KLHL4: variants seen among roughly 807,000 people sequenced by gnomAD.
KLHL4 encodes kelch like family member 4.
A neutral mutation model predicts 45.8 loss-of-function variants in KLHL4; 17 were observed. That is an observed-to-expected ratio of 0.37 (90% CI 0.25 to 0.56). KLHL4 has a LOEUF of 0.56. KLHL4 is among the 20% of genes least tolerant of loss of function. The probability of loss-of-function intolerance (pLI) is 0.79; values close to 1 mark genes in which losing one functional copy is unlikely to be tolerated. For synonymous variants in KLHL4, 224 were observed against 189.9 expected (o/e 1.18, Z -1.47); for missense variants, 544 against 544.9 (o/e 1.00, Z 0.02).
At chrX:87,637,829 A>G (rs895262333) in intron 9 of KLHL4, among the ~76,000 whole-genome samples, 1 of 111,409 alleles carries the variant, frequency 9.0e-6, no homozygotes, top group African/African-American at 3.3e-5. Flanking sequence ...GTTGCCTTCA[A>G]TGTCAGCCAC....
chrX:87,596,477 A>C (rs1921843123), intron 1 of KLHL4, among the ~76,000 whole-genome samples: 1 of 112,164 alleles, frequency 8.9e-6, no homozygotes, highest in African/African-American at 3.2e-5. Context: ...GCAGACATTC[A>C]GTAAATATTT....
chrX:87,659,327 C>CCAGGCTG (rs1442685431), intron 9 of KLHL4, among the ~76,000 whole-genome samples: 1 of 109,032 alleles, frequency 9.2e-6, no homozygotes, highest in African/African-American at 3.3e-5. Flanking sequence ...ACCATATTGG[C>CCAGGCTG]CAGGCTGGTC....
intron 1 of KLHL4, among the ~76,000 whole-genome samples, chrX:87,588,108 T>A (rs1157701670): frequency 1.8e-5 from 2 of 111,302 alleles, no homozygotes; most frequent in Non-Finnish European, 3.8e-5. Flanking sequence ...AAGTGAAAGA[T>A]ATATAAGGAA....
chrX:87,641,482 G>A (rs1302273827), intron 9 of KLHL4, among the ~76,000 whole-genome samples: 4 of 112,013 alleles, frequency 3.6e-5, no homozygotes, highest in Non-Finnish European at 3.8e-5. Context: ...AAACTCCACA[G>A]GGAGGAGGAA....
At chrX:87,624,840 C>G (rs1922872014) in intron 5 of KLHL4, among the ~76,000 whole-genome samples, 1 of 112,409 alleles carries the variant, frequency 8.9e-6, no homozygotes, top group East Asian at 2.8e-4. Flanking sequence ...TGGCTAGTTA[C>G]TAAGGCATGT....
chrX:87,582,806 C>T (rs956358231), intron 1 of KLHL4, among the ~76,000 whole-genome samples: 1 of 111,568 alleles, frequency 9.0e-6, no homozygotes, highest in Non-Finnish European at 1.9e-5. Context: ...GGCACGGACC[C>T]AAATAGTGAG....
At chrX:87,540,075 A>T (rs1303540551) in intron 1 of KLHL4, among the ~76,000 whole-genome samples, 1 of 111,316 alleles carries the variant, frequency 9.0e-6, no homozygotes, top group Admixed American at 9.6e-5. Flanking sequence ...AAAGGACAGT[A>T]AAAATATGAT....
intron 1 of KLHL4, among the ~76,000 whole-genome samples, chrX:87,543,133 C>T (rs35947991): frequency 9.0e-6 from 1 of 110,571 alleles, no homozygotes; most frequent in Non-Finnish European, 1.9e-5. Flanking sequence ...TGTAAGATTC[C>T]TGAGGCCTCC....
chrX:87,546,309 TA>T (rs1424913948), intron 1 of KLHL4, among the ~76,000 whole-genome samples: 1 of 111,551 alleles, frequency 9.0e-6, no homozygotes, highest in Non-Finnish European at 1.9e-5. Context: ...TAGTCCATGG[TA>T]AAAGGGGCCA....
intron 1 of KLHL4, among the ~76,000 whole-genome samples, chrX:87,561,091 G>A (rs1002371182): frequency 4.5e-5 from 5 of 111,448 alleles, no homozygotes; most frequent in East Asian, 2.9e-4. Flanking sequence ...ATTGGTGTTG[G>A]CAAAAATGAA....
intron 3 of KLHL4, among the ~76,000 whole-genome samples, chrX:87,616,790 A>T (rs774392339): frequency 2.1e-4 from 23 of 111,675 alleles, no homozygotes; most frequent in Admixed American, 2.9e-4. Context: ...AGGTCTCATG[A>T]GATATGGGCA....
At position 87,669,296 on chromosome X, in the gene KLHL4, A is replaced by G; in HGVS notation, c.*2762A>G. On this transcript the variant is annotated 3_prime_UTR_variant, in exon 11 of 11. Transcript: ENST00000373119. ...TCAGCATGCATCATGATGATTCTCT[A>G]ACACTGTCTGTCACCTTCCTGTATT... is the stretch of plus-strand genomic sequence containing the variant. 1 of 1,207,625 alleles carries G rather than the reference A, an allele frequency of 8.3e-7. No individual in the cohort carries two copies. Among genetic ancestry groups the G allele is most frequent in the Non-Finnish European group, 1.1e-6 (1 of 893,229 alleles).
intron 1 of KLHL4, among the ~76,000 whole-genome samples, chrX:87,523,431 A>T (rs1188111420): frequency 9.0e-6 from 1 of 111,697 alleles, no homozygotes; most frequent in Non-Finnish European, 1.9e-5. Context: ...ATCCTCAGTT[A>T]AAAAACTTAA....
chrX:87,614,619 A>C (rs1922495191), intron 3 of KLHL4, 49 bp downstream of exon 3: 1 of 1,078,073 alleles, frequency 9.3e-7, no homozygotes, highest in Non-Finnish European at 1.3e-6. Context: ...ATTACATAAC[A>C]CATTATTATT....
chrX:87,523,475 ACATC>A (rs1488232004), intron 1 of KLHL4, among the ~76,000 whole-genome samples: 1 of 111,733 alleles, frequency 8.9e-6, no homozygotes, highest in African/African-American at 3.3e-5. Context: ...TAAACCTGAA[ACATC>A]TTGTAGTGCT....
chrX:87,545,686 G>C (rs917716547), intron 1 of KLHL4, among the ~76,000 whole-genome samples: 1 of 112,078 alleles, frequency 8.9e-6, no homozygotes, highest in African/African-American at 3.2e-5. Flanking sequence ...TGTGACTTTG[G>C]AACTGGATAA....
intron 9 of KLHL4, among the ~76,000 whole-genome samples, chrX:87,642,847 G>A (rs1923508452): frequency 8.9e-6 from 1 of 111,782 alleles, no homozygotes; most frequent in African/African-American, 3.2e-5. Context: ...ATCTTACAAA[G>A]ACAAAGAAAA....
intron 1 of KLHL4, among the ~76,000 whole-genome samples, chrX:87,565,470 G>A (rs1932186627): frequency 9.0e-6 from 1 of 110,960 alleles, no homozygotes; most frequent in African/African-American, 3.3e-5. Context: ...GCTCATGCCT[G>A]TAATCCCAGC....
At chrX:87,523,679 A>G (rs1408385594) in intron 1 of KLHL4, among the ~76,000 whole-genome samples, 1 of 111,543 alleles carries the variant, frequency 9.0e-6, no homozygotes, top group African/African-American at 3.3e-5. Context: ...AGTAAATGAG[A>G]AGGCCGGCCG....
Sources: gnomAD v4.1 joint callset for allele counts (sites outside exome capture counted in the v4.1 genomes callset) on GRCh38, gnomAD v4.1.1 for gene constraint, MANE v1.5 for transcripts, NCBI Gene and HGNC (gene_info 2026-07-23, HGNC 2026-07-21) for gene names.